The following SIK3 variants were observed in gnomAD, a reference collection of about 807,000 sequenced individuals.
SIK3 encodes the protein SIK family kinase 3, also known as serine/threonine-protein kinase SIK3.
In SIK3, 28 loss-of-function variants were observed where a neutral mutation model predicts 144.2. The ratio of observed to expected loss-of-function variants is 0.19; its 90% confidence interval spans 0.14 to 0.27. The LOEUF (loss-of-function observed/expected upper bound fraction) is 0.27. Ranked by LOEUF, SIK3 falls within the 10% of genes least tolerant of loss-of-function variation. The pLI, the probability that SIK3 is intolerant of heterozygous loss-of-function variation, is 1.00. For synonymous variants in SIK3, 686 were observed against 676.3 expected, an observed-to-expected ratio of 1.01 and a Z score of -0.22; for missense variants, 1,319 against 1,776.0, an observed-to-expected ratio of 0.74 and a Z score of 4.62.
At position 116,967,875 on chromosome 11, in the gene SIK3, C is replaced by T. The variant is rs1043702192; in HGVS notation, c.274-10811G>A. Among the ~76,000 whole-genome samples the T allele has an allele frequency of 6.6e-5, 10 of 152,150 alleles. 1 individual carries two copies. Among genetic ancestry groups the T allele is most frequent in the South Asian group, 4.1e-4 (2 of 4,822 alleles). ...ACCAACTACCTTCCAAGGTGTTTTC[C>T]GAAGAACAGGTGCACACTACCAGCG... On this transcript the variant is annotated intron_variant, in intron 1 of 24. Coordinates refer to ENST00000445177, the MANE Select transcript of SIK3 (RefSeq NM_001366686.3).
At chr11:116,874,584 A>G (rs1944144503) in intron 11 of SIK3, among the ~76,000 whole-genome samples, 1 of 152,256 alleles carries the variant, frequency 6.6e-6, no homozygotes, top group Admixed American at 6.5e-5. Context: ...ACCCCTTTAA[A>G]GCTATCTCAG....
intron 1 of SIK3, among the ~76,000 whole-genome samples, chr11:116,976,958 A>G (rs1362882356): frequency 6.6e-6 from 1 of 152,262 alleles, no homozygotes; most frequent in African/African-American, 2.4e-5. Flanking sequence ...CAGCTGATTT[A>G]TTAATTAATG....
At chr11:116,963,933 C>T (rs1397396699) in intron 1 of SIK3, among the ~76,000 whole-genome samples, 5 of 152,176 alleles carry the variant, frequency 3.3e-5, no homozygotes, top group Non-Finnish European at 4.4e-5. Context: ...ACAAGCTAGG[C>T]TCTTGAATGC....
At chr11:116,932,348 C>T (rs568865209) in intron 3 of SIK3, among the ~76,000 whole-genome samples, 4 of 152,258 alleles carry the variant, frequency 2.6e-5, no homozygotes, top group Non-Finnish European at 4.4e-5. Context: ...ACCCTTCGCC[C>T]AGTTTCCGCC....
At chr11:117,029,299 T>C (rs1261788960) in intron 1 of SIK3, among the ~76,000 whole-genome samples, 1 of 151,886 alleles carries the variant, frequency 6.6e-6, no homozygotes, top group East Asian at 2.0e-4. Context: ...ACCCTGGATC[T>C]ACAAAAAATT....
At chr11:116,935,319 AAATTAACTCAAGG>A (rs1389238011) in intron 3 of SIK3, among the ~76,000 whole-genome samples, 1 of 151,664 alleles carries the variant, frequency 6.6e-6, no homozygotes, top group Non-Finnish European at 1.5e-5. Flanking sequence ...TTATTATTAT[AAATTAACTCAAGG>A]AATACCAATG....
intron 4 of SIK3, among the ~76,000 whole-genome samples, chr11:116,912,271 A>C (rs895802379): frequency 6.6e-6 from 1 of 152,232 alleles, no homozygotes; most frequent in African/African-American, 2.4e-5. Context: ...AGGTGAGATC[A>C]GGAGCCTGGG....
At chr11:116,894,804 A>G (rs1039435574) in intron 6 of SIK3, among the ~76,000 whole-genome samples, 1 of 152,154 alleles carries the variant, frequency 6.6e-6, no homozygotes, top group African/African-American at 2.4e-5. Flanking sequence ...TACCATCTCC[A>G]TCTCGACACC....
intron 1 of SIK3, 54 bp downstream of exon 1, chr11:117,098,089 G>A: frequency 1.5e-6 from 2 of 1,325,928 alleles, no homozygotes; most frequent in East Asian, 3.7e-5. Context: ...GGGGGGCGCG[G>A]ACCTCTCCCG....
chr11:117,002,046 G>A (rs1221317233), intron 1 of SIK3, among the ~76,000 whole-genome samples: 4 of 152,098 alleles, frequency 2.6e-5, no homozygotes, highest in African/African-American at 4.8e-5. Flanking sequence ...CTGACATTGC[G>A]CTTTGGTCTT....
chr11:116,920,018 G>A (rs1307260761), intron 4 of SIK3, among the ~76,000 whole-genome samples: 1 of 151,864 alleles, frequency 6.6e-6, no homozygotes, highest in Non-Finnish European at 1.5e-5. Context: ...CCAGCTTTTT[G>A]CCGTCTCCAT....
At chr11:117,035,888 A>G in intron 1 of SIK3, 8 of 1,596,782 alleles carry the variant, frequency 5.0e-6, no homozygotes, top group Non-Finnish European at 6.8e-6. Context: ...GCCAACACAC[A>G]AAACTACCGT....
chr11:116,970,757 C>A (rs1949739336), intron 1 of SIK3, among the ~76,000 whole-genome samples: 1 of 152,160 alleles, frequency 6.6e-6, no homozygotes, highest in African/African-American at 2.4e-5. Context: ...CTCAAGAGAT[C>A]CTCCACCTCA....
At chr11:116,966,843 T>C (rs1435172058) in intron 1 of SIK3, among the ~76,000 whole-genome samples, 1 of 149,656 alleles carries the variant, frequency 6.7e-6, no homozygotes, top group Admixed American at 6.6e-5. Flanking sequence ...CTACTAAAAA[T>C]ACAAAAAAAA....
intron 6 of SIK3, among the ~76,000 whole-genome samples, chr11:116,891,170 C>A (rs1945082291): frequency 6.6e-6 from 1 of 152,030 alleles, no homozygotes; most frequent in Non-Finnish European, 1.5e-5. Context: ...ATTAGACGGG[C>A]ATGATGGTGC....
intron 1 of SIK3, among the ~76,000 whole-genome samples, chr11:116,965,734 A>AATATATATACATATATATATATAT (rs1949505761): frequency 2.5e-5 from 3 of 118,400 alleles, no homozygotes; most frequent in Admixed American, 8.8e-5. Context: ...TCTCTGCTAA[A>AATATATATACATATATATATATAT]ATATATATAT....
At chr11:116,967,016 A>AAAAAG (rs1236750760) in intron 1 of SIK3, among the ~76,000 whole-genome samples, 53 of 120,746 alleles carry the variant, frequency 4.4e-4, no homozygotes, top group African/African-American at 1.6e-3. Flanking sequence ...AAAAAAAAAG[A>AAAAAG]AAAAGAAAAA....
intron 1 of SIK3, among the ~76,000 whole-genome samples, chr11:116,983,881 A>G (rs1296419808): frequency 1.3e-5 from 2 of 151,948 alleles, no homozygotes; most frequent in Non-Finnish European, 2.9e-5. Flanking sequence ...CCTGGGCAAC[A>G]TGCGAAATCC....
intron 1 of SIK3, among the ~76,000 whole-genome samples, chr11:117,068,231 G>T (rs550342084): frequency 6.6e-6 from 1 of 152,152 alleles, no homozygotes; most frequent in South Asian, 2.1e-4. Flanking sequence ...GGCTCCTTAA[G>T]GTCTATAAGA....
Sources: gnomAD v4.1 joint callset for allele counts (sites outside exome capture counted in the v4.1 genomes callset) on GRCh38, gnomAD v4.1.1 for gene constraint, MANE v1.5 for transcripts, NCBI Gene and HGNC (gene_info 2026-07-23, HGNC 2026-07-21) for gene names.